The following LAMA2 variants were observed in gnomAD, a reference collection of about 807,000 sequenced individuals.
LAMA2 encodes the protein laminin subunit alpha 2.
In LAMA2, 269 loss-of-function variants were observed where a neutral mutation model predicts 364.8. The ratio of observed to expected loss-of-function variants is 0.74; its 90% CI spans 0.67 to 0.82. The LOEUF is 0.82. Ranked by LOEUF, LAMA2 falls within the 40% of genes least tolerant of loss-of-function variation. The probability of loss-of-function intolerance (pLI) is 0.00; values close to 1 mark genes in which losing one functional copy is unlikely to be tolerated. For missense variants in LAMA2, 3,807 were observed against 3,873.2 expected (o/e 0.98, Z 0.45); for synonymous variants, 1,379 against 1,370.6 (o/e 1.01, Z -0.14).
At chr6:129,264,262 C>G (rs1002768978) in intron 15 of LAMA2, among the ~76,000 whole-genome samples, 18 of 151,944 alleles carry the variant, frequency 1.2e-4, no homozygotes, top group Non-Finnish European at 2.4e-4. Flanking sequence ...TGATTCGAGA[C>G]TGTATGTCAG....
chr6:129,382,890 C>T (rs1778772887), intron 34 of LAMA2, among the ~76,000 whole-genome samples: 1 of 152,120 alleles, frequency 6.6e-6, no homozygotes, highest in South Asian at 2.1e-4. Flanking sequence ...ATATAACAAG[C>T]GTTTTTTAAA....
chr6:129,084,615 G>T (rs1053772879), intron 3 of LAMA2, among the ~76,000 whole-genome samples: 2 of 152,098 alleles, frequency 1.3e-5, no homozygotes, highest in African/African-American at 4.8e-5. Flanking sequence ...GGCAAACAAT[G>T]AAAAAGTCCC....
intron 32 of LAMA2, among the ~76,000 whole-genome samples, chr6:129,362,225 G>A (rs1777506339): frequency 6.6e-6 from 1 of 152,114 alleles, no homozygotes; most frequent in African/African-American, 2.4e-5. Flanking sequence ...AAATCCTTCA[G>A]GCAGGTATCT....
At chr6:129,365,950 C>G (rs958280270) in intron 32 of LAMA2, among the ~76,000 whole-genome samples, 2 of 152,086 alleles carry the variant, frequency 1.3e-5, no homozygotes, top group Non-Finnish European at 2.9e-5. Context: ...TTTTTCTCCC[C>G]AAATCTATTT....
intron 3 of LAMA2, among the ~76,000 whole-genome samples, chr6:129,068,363 T>G (rs565832525): frequency 6.6e-6 from 1 of 152,332 alleles, no homozygotes; most frequent in East Asian, 1.9e-4. Flanking sequence ...CTGCAGCAAT[T>G]TATTTCTCAT....
chr6:129,488,545 T>A (rs1784709315), intron 56 of LAMA2, among the ~76,000 whole-genome samples: 1 of 152,200 alleles, frequency 6.6e-6, no homozygotes, highest in Non-Finnish European at 1.5e-5. Flanking sequence ...TGACCATCAA[T>A]CCAACCTTTA....
At chr6:129,333,769 C>T (rs2114547191) in intron 29 of LAMA2, among the ~76,000 whole-genome samples, 1 of 152,188 alleles carries the variant, frequency 6.6e-6, no homozygotes, top group Non-Finnish European at 1.5e-5. Context: ...GCATTTTTAG[C>T]ACAGTTATAT....
intron 28 of LAMA2, among the ~76,000 whole-genome samples, chr6:129,325,239 T>C (rs1775203094): frequency 6.6e-6 from 1 of 152,198 alleles, no homozygotes; most frequent in Non-Finnish European, 1.5e-5. Context: ...GAGCCATGAA[T>C]AATTTCAACA....
chr6:129,283,737 C>T (rs1409268409), intron 18 of LAMA2, among the ~76,000 whole-genome samples: 2 of 151,568 alleles, frequency 1.3e-5, no homozygotes, highest in Non-Finnish European at 2.9e-5. Context: ...TAGATTTTGT[C>T]TGCTTCAGAA....
At chr6:129,157,934 C>A (rs1243230133) in intron 8 of LAMA2, 1 of 1,614,152 alleles carries the variant, frequency 6.2e-7, no homozygotes, top group Non-Finnish European at 8.5e-7. Context: ...TATTCAAGGG[C>A]ACATCAACTT....
intron 12 of LAMA2, among the ~76,000 whole-genome samples, chr6:129,243,073 G>C (rs896614271): frequency 2.6e-5 from 4 of 152,028 alleles, no homozygotes; most frequent in Non-Finnish European, 5.9e-5. Flanking sequence ...TTAAAATTTT[G>C]TCTGCCTACC....
chr6:129,336,297 T>TA lies in LAMA2; in HGVS notation c.4312-6038dup, dbSNP rs199572297. ...CCTGTGTCTACAAAAAATTAAAAAT[T>TA]AAAAAAAAGAATAGGTTCATTCAAA... On this transcript the variant is annotated intron_variant, in intron 29 of 64. Coordinates refer to ENST00000421865, the MANE Select transcript of LAMA2 (RefSeq NM_000426.4). Among the ~76,000 whole-genome samples the TA allele has an allele frequency of 4.5e-3, 681 of 151,896 alleles. 3 individuals carry two copies. The highest frequency in any genetic ancestry group is 0.015 in the African/African-American group (628 of 41,444).
intron 45 of LAMA2, among the ~76,000 whole-genome samples, chr6:129,449,571 T>C (rs1191431971): frequency 1.3e-5 from 2 of 152,306 alleles, no homozygotes; most frequent in African/African-American, 2.4e-5. Context: ...ATGAATTTTG[T>C]TGGACACATT....
intron 34 of LAMA2, among the ~76,000 whole-genome samples, chr6:129,376,762 C>T (rs766186797): frequency 3.3e-5 from 5 of 152,178 alleles, no homozygotes; most frequent in Admixed American, 6.5e-5. Flanking sequence ...TCTGTGCCAT[C>T]GCAGGGGTTC....
intron 54 of LAMA2, 54 bp from the exon 55 acceptor site, chr6:129,481,209 T>C: frequency 7.1e-7 from 1 of 1,417,618 alleles, no homozygotes; most frequent in Non-Finnish European, 1.0e-6. Context: ...GATGGAGAAC[T>C]TATTTAAATT....
intron 1 of LAMA2, among the ~76,000 whole-genome samples, chr6:129,006,878 G>T (rs937913421): frequency 1.3e-5 from 2 of 151,998 alleles, no homozygotes; most frequent in African/African-American, 4.8e-5. Context: ...CAGTGTACCC[G>T]CATGCTTTCC....
intron 1 of LAMA2, among the ~76,000 whole-genome samples, chr6:128,954,992 A>G (rs1562866663): frequency 6.6e-6 from 1 of 151,420 alleles, no homozygotes. Context: ...CAAAAAAAAA[A>G]ATAATAAGAA....
intron 34 of LAMA2, among the ~76,000 whole-genome samples, chr6:129,376,578 T>A (rs1055361860): frequency 1.3e-5 from 2 of 152,156 alleles, no homozygotes; most frequent in Non-Finnish European, 2.9e-5. Flanking sequence ...CTCCCATCAC[T>A]TGTGCCCCTG....
intron 43 of LAMA2, chr6:129,442,659 C>G: frequency 3.8e-6 from 1 of 266,052 alleles, no homozygotes; most frequent in Non-Finnish European, 7.2e-6. Context: ...AGTTATTTTT[C>G]CTGACCCTCT....
Sources: allele counts gnomAD v4.1 joint callset (sites outside exome capture counted in the v4.1 genomes callset), GRCh38; gene constraint gnomAD v4.1.1; transcripts MANE v1.5; gene names NCBI Gene and HGNC (gene_info 2026-07-23, HGNC 2026-07-21).